EWSR1: variants seen among roughly 807,000 people sequenced by gnomAD.
EWSR1 encodes EWS RNA binding protein 1.
Under a neutral mutation model 92.1 loss-of-function variants are expected in EWSR1, and 14 were observed. That is an observed-to-expected ratio of 0.15 (90% CI 0.10 to 0.24). EWSR1 has a LOEUF of 0.24. Ranked by LOEUF, EWSR1 falls within the 10% of genes least tolerant of loss-of-function variation. The pLI is 1.00. For missense variants in EWSR1, 637 were observed against 870.9 expected, an observed-to-expected ratio of 0.73 and a Z score of 3.38; for synonymous variants, 303 against 292.9, an observed-to-expected ratio of 1.03 and a Z score of -0.35.
At chr22:29,297,972 T>TTGCATTA (rs767364559) in intron 13 of EWSR1, 23 bp downstream of exon 13, 11 of 1,602,840 alleles carry the variant, frequency 6.9e-6, no homozygotes, top group Non-Finnish European at 9.4e-6. Flanking sequence ...AGCTCCTATG[T>TTGCATTA]TGCATTAAAA....
chr22:29,269,114 G>C (rs1439459862), intron 1 of EWSR1: 1 of 152,242 alleles, frequency 6.6e-6, no homozygotes, highest in African/African-American at 2.4e-5. Flanking sequence ...CAAACGCCGA[G>C]GGACATCCGT....
chr22:29,283,411 A>G (rs2059768775), intron 6 of EWSR1, among the ~76,000 whole-genome samples: 1 of 152,064 alleles, frequency 6.6e-6, no homozygotes, highest in African/African-American at 2.4e-5. Flanking sequence ...GCTGGAGTGC[A>G]GTGGCACGAT....
chr22:29,271,516 A>G (rs143190004), intron 1 of EWSR1, among the ~76,000 whole-genome samples: 2 of 152,160 alleles, frequency 1.3e-5, no homozygotes, highest in African/African-American at 2.4e-5. Context: ...GGTGTTACCA[A>G]ATTTTTCCCA....
intron 1 of EWSR1, chr22:29,269,641 C>T (rs2058488678): frequency 6.6e-6 from 1 of 152,144 alleles, no homozygotes; most frequent in South Asian, 2.1e-4. Flanking sequence ...AAGAATTCTC[C>T]CCATCTGTGG....
At chr22:29,299,055 C>G (rs2061123207) in intron 14 of EWSR1, 160 bp downstream of exon 14, 1 of 1,358,066 alleles carries the variant, frequency 7.4e-7, no homozygotes, top group African/African-American at 1.4e-5. Context: ...CGCTTCAGAG[C>G]CTTCTGAAGA....
Position 29,292,625 on chromosome 22 carries a change from A to T in EWSR1, c.1164+19A>T. On this transcript the variant is annotated intron_variant, in intron 11 of 16. Transcript: ENST00000397938. ...TGTTAAGGTCAGTAAAAGCATAACC[A>T]GGTCATCTGGCAGAACTTTAAACCA... 6.7e-7 allele frequency: 1 copy of T among 1,497,810 alleles called. No individual in the cohort carries two copies. Among genetic ancestry groups the T allele is most frequent in the Non-Finnish European group, 9.3e-7 (1 of 1,075,900 alleles). The allele number at this position is 1,497,810 out of a possible 1,614,324, so 92.8% of individuals were successfully genotyped here.
chr22:29,285,055 G>A (rs572970113), intron 6 of EWSR1, among the ~76,000 whole-genome samples: 2 of 150,626 alleles, frequency 1.3e-5, no homozygotes, highest in South Asian at 4.2e-4. Flanking sequence ...CTGACCTCAG[G>A]TGATCCACCC....
chr22:29,280,862 GTTTTTTTTTTTTTTTTTTTTTTTTTT>G (rs71196650), intron 5 of EWSR1, among the ~76,000 whole-genome samples: 1 of 62,870 alleles, frequency 1.6e-5, no homozygotes, highest in African/African-American at 5.7e-5. Flanking sequence ...TGTGTGTGTT[GTTTTTTTTTTTTTTTTTTTTTTTTTT>G]TTTTTTTTTT....
intron 4 of EWSR1, chr22:29,277,257 TGCTTGTGGTAGGTAAGTAAGAGGAATGGA>T (rs2059193453): frequency 4.4e-6 from 1 of 226,786 alleles, no homozygotes; most frequent in Admixed American, 5.7e-5. Context: ...AAAGGCCTTT[TGCTTGTGGTAGGTAAGTAAGAGGAATGGA>T]GCTGAGTAAC....
At chr22:29,281,867 G>A (rs1488303553) in intron 5 of EWSR1, among the ~76,000 whole-genome samples, 3 of 152,172 alleles carry the variant, frequency 2.0e-5, no homozygotes, top group Admixed American at 6.5e-5. Context: ...TTATAGGCAT[G>A]AGCCATTCTC....
In EWSR1 at chr22:29,273,745, A is replaced by G. The variant is rs2058880080; in HGVS notation, c.107A>G (p.Tyr36Cys). ...ATTCGTTTTTTTTTGGAGCAGGCAT[A>G]TGGGCAACAAAGCTATGGAACCTAT... ...TQGYAQTTQA[Y>C]GQQSYGTYGQ... The change falls in exon 4 of 17, where the codon TAT (tyrosine) becomes TGT (cysteine). Residue 36 changes from tyrosine to cysteine, a missense_variant. Physicochemically the swap from Tyr to Cys is radical, Grantham distance 194 (BLOSUM62 -2). Coordinates refer to ENST00000397938, the MANE Select transcript of EWSR1 (RefSeq NM_005243.4). 6.2e-7 allele frequency: 1 copy of G among 1,611,652 alleles called. No homozygotes were observed. The highest frequency in any genetic ancestry group is 8.5e-7 in the Non-Finnish European group (1 of 1,179,376).
intron 8 of EWSR1, 80 bp downstream of exon 8, chr22:29,288,866 A>G: frequency 3.8e-6 from 5 of 1,302,998 alleles, no homozygotes; most frequent in Middle Eastern, 3.9e-4. Context: ...ACTGAAAGAC[A>G]TAAGAAATTA....
In EWSR1 at chr22:29,269,915, T is replaced by C. The variant is rs114806687; in HGVS notation, c.13+1566T>C. Among the ~76,000 whole-genome samples the C allele has an allele frequency of 9.1e-3, 1,389 of 152,366 alleles. 21 individuals carry two copies. Among genetic ancestry groups the C allele is most frequent in the African/African-American group, 0.032 (1,318 of 41,588 alleles). ...CACCAGTAACTACCATGTGCTGTAC[T>C]GTATTAGAATTACAGTTGTGGTTTC... On this transcript the variant is annotated intron_variant, in intron 1 of 16. Transcript: ENST00000397938.
rs748739889 is a variant in EWSR1, at chr22:29,286,874, A to G, written c.582-49A>G. 6 of 1,434,118 alleles carry G rather than the reference A, an allele frequency of 4.2e-6. No individual in the cohort carries two copies. The South Asian group carries it at 5.9e-5, about 14-fold the overall frequency. 88.8% of individuals were successfully genotyped at this position (1,434,118 alleles called of 1,614,324 possible). ...TTTATTCAGGGGATTTGAAATAACA[A>G]GCCTCTTTCTAAAAAAGCTTTTTTT... On this transcript the variant is annotated intron_variant, in intron 6 of 16. Coordinates refer to ENST00000397938, the MANE Select transcript of EWSR1 (RefSeq NM_005243.4).
chr22:29,278,415 G>A (rs1422954644), intron 5 of EWSR1, among the ~76,000 whole-genome samples, 199 bp downstream of exon 5: 1 of 152,206 alleles, frequency 6.6e-6, no homozygotes, highest in African/African-American at 2.4e-5. Context: ...GGCTGGGCGC[G>A]GTTTCTCATG....
At chr22:29,273,978 ATCC>A (rs1457357669) in intron 4 of EWSR1, 114 bp downstream of exon 4, 10 of 1,357,738 alleles carry the variant, frequency 7.4e-6, no homozygotes, top group African/African-American at 1.5e-5. Flanking sequence ...CATCTGGGGA[ATCC>A]TTTATTCTTA....
chr22:29,273,011 A>G (rs1407697664), intron 3 of EWSR1, among the ~76,000 whole-genome samples: 1 of 152,214 alleles, frequency 6.6e-6, no homozygotes, highest in Non-Finnish European at 1.5e-5. Context: ...ACTGCCATGG[A>G]AACATGTTCT....
intron 4 of EWSR1, chr22:29,275,568 G>A (rs776443206): frequency 1.8e-5 from 4 of 226,556 alleles, no homozygotes; most frequent in Non-Finnish European, 3.5e-5. Flanking sequence ...CCAAAATTAA[G>A]CCTGATGAGC....
chr22:29,287,117 G>T lies in EWSR1; in HGVS notation c.776G>T (p.Ser259Ile). Residue 259 changes from serine to isoleucine, a missense_variant, in exon 7 of 17, where the codon AGC (serine) becomes ATC (isoleucine). Ser to Ile is a moderately radical substitution (Grantham distance 142). Transcript: ENST00000397938. ...QAPSQYSQQS[S>I]SYGQQSSFRQ... is the part of the protein sequence containing the mutation. ...CCAAGTCAATATAGCCAACAGAGCA[G>T]CAGCTACGGGCAGCAGAGTGAGTTG... 1 of 1,614,104 alleles carries T rather than the reference G, an allele frequency of 6.2e-7. No individual in the cohort carries two copies. The highest frequency in any genetic ancestry group is 8.5e-7 in the Non-Finnish European group (1 of 1,179,964).
Sources: allele counts gnomAD v4.1 joint callset (sites outside exome capture counted in the v4.1 genomes callset), GRCh38; gene constraint gnomAD v4.1.1; transcripts MANE v1.5; gene names NCBI Gene and HGNC (gene_info 2026-07-23, HGNC 2026-07-21).